KANK1: variants seen among roughly 807,000 people sequenced by gnomAD.
The protein encoded by KANK1 is KN motif and ankyrin repeat domains 1, also known as KN motif and ankyrin repeat domain-containing protein 1.
Under a neutral mutation model 106.2 loss-of-function variants are expected in KANK1, and 109 were observed. That is an observed-to-expected ratio of 1.03 (90% CI 0.88 to 1.20). KANK1 has a LOEUF of 1.20. Ranked by LOEUF, KANK1 falls within the 50% of genes most tolerant of loss-of-function variation. KANK1 has a pLI of 0.00. For missense variants in KANK1, 2,399 were observed against 1,710.7 expected (o/e 1.40, Z -7.10); for synonymous variants, 873 against 652.2 (o/e 1.34, Z -5.16).
intron 1 of KANK1, among the ~76,000 whole-genome samples, chr9:607,120 A>G (rs1434338590): frequency 6.6e-6 from 1 of 151,780 alleles, no homozygotes; most frequent in Non-Finnish European, 1.5e-5. Context: ...ACCTTCCTCA[A>G]TTCCTTTGCA....
At chr9:687,367 T>C (rs982667033) in intron 2 of KANK1, among the ~76,000 whole-genome samples, 4 of 152,170 alleles carry the variant, frequency 2.6e-5, no homozygotes, top group African/African-American at 7.2e-5. Context: ...ACATTTTCAC[T>C]TTCACAAACT....
rs575705928 is a variant in KANK1, at chr9:705,026, C to T, written c.38-5778C>T. Among the ~76,000 whole-genome samples the T allele has an allele frequency of 3.4e-5, 5 of 148,446 alleles. No individual in the cohort carries two copies. In the East Asian group the frequency reaches 9.8e-4, roughly 29 times the overall value. ...AAAAAAAAAAAAAAAAAGAGCAATA[C>T]CCACGTGTTGTAAAAATTATAAAAT... On this transcript the variant is annotated intron_variant, in intron 2 of 11. Coordinates refer to ENST00000382297, the MANE Select transcript of KANK1 (RefSeq NM_015158.5).
At chr9:580,589 C>T (rs375270375) in intron 1 of KANK1, among the ~76,000 whole-genome samples, 1 of 152,212 alleles carries the variant, frequency 6.6e-6, no homozygotes, top group Non-Finnish European at 1.5e-5. Context: ...AGAGCACTGA[C>T]TGGTGCATTT....
chr9:490,511 CTAATAA>C (rs113286547), intron 3 of KANK1, among the ~76,000 whole-genome samples: 2,203 of 151,830 alleles, frequency 0.015, 34 homozygotes, highest in African/African-American at 0.049. Context: ...TTGTCTCAAA[CTAATAA>C]TAATAATAAT....
intron 1 of KANK1, among the ~76,000 whole-genome samples, chr9:659,255 T>C (rs9408652): frequency 0.85 from 128,694 of 152,188 alleles, 54,575 homozygotes; most frequent in East Asian, 0.97. Context: ...TTCTTAAAAT[T>C]AGAGGATATT....
At position 534,533 on chromosome 9, in the gene KANK1, C is replaced by A. The variant is rs192502123; in HGVS notation, c.-84+29779C>A. 3.9e-5 allele frequency among the ~76,000 whole-genome samples: 6 copies of A among 152,304 alleles called. No individual in the cohort carries two copies. The East Asian group carries it at 1.2e-3, about 29-fold the overall frequency. ...GGCAGACATACGTCTTTGAAACATA[C>A]CAGCAGAGAATTATTTAATCATTTG... On this transcript the variant is annotated intron_variant, in intron 1 of 11. Coordinates refer to ENST00000382297, the MANE Select transcript of KANK1 (RefSeq NM_015158.5).
intron 1 of KANK1, among the ~76,000 whole-genome samples, chr9:567,800 C>T (rs182068228): frequency 6.6e-6 from 1 of 152,154 alleles, no homozygotes; most frequent in African/African-American, 2.4e-5. Context: ...GATGCCCGAG[C>T]TTATCAGAAT....
At chr9:615,458 C>G (rs1396483118) in intron 1 of KANK1, among the ~76,000 whole-genome samples, 3 of 152,080 alleles carry the variant, frequency 2.0e-5, no homozygotes, top group African/African-American at 4.8e-5. Context: ...TGAGTACCCA[C>G]ATTTTAAAAT....
intron 1 of KANK1, among the ~76,000 whole-genome samples, chr9:635,688 TTTA>T (rs933024728): frequency 7.0e-6 from 1 of 142,700 alleles, no homozygotes; most frequent in African/African-American, 2.6e-5. Context: ...CACATTCCTT[TTTA>T]TTCTTTTTTT....
At chr9:661,188 G>T (rs80293934) in intron 1 of KANK1, among the ~76,000 whole-genome samples, 1 of 151,576 alleles carries the variant, frequency 6.6e-6, no homozygotes, top group Non-Finnish European at 1.5e-5. Flanking sequence ...GGCTTGTTAC[G>T]TATGCATACA....
At chr9:548,746 T>C (rs2061089488) in intron 1 of KANK1, among the ~76,000 whole-genome samples, 1 of 152,146 alleles carries the variant, frequency 6.6e-6, no homozygotes, top group South Asian at 2.1e-4. Flanking sequence ...ATCAAGATTT[T>C]TAAAGTTTTA....
chr9:687,865 C>A lies in KANK1; in HGVS notation c.37+10856C>A, dbSNP rs1386536435. On this transcript the variant is annotated intron_variant, in intron 2 of 11. Transcript: ENST00000382297. Reference sequence around the variant, plus strand: ...AGTTACGGTTGTGTGCGTCACTAATCTTATAAACTTGAGTGTTTTAAGAGG... The same window carrying A: ...AGTTACGGTTGTGTGCGTCACTAATATTATAAACTTGAGTGTTTTAAGAGG... Among the ~76,000 whole-genome samples the A allele has an allele frequency of 2.0e-5, 3 of 152,312 alleles. No individual in the cohort carries two copies. The East Asian group carries it at 5.8e-4, about 29-fold the overall frequency.
intron 1 of KANK1, among the ~76,000 whole-genome samples, chr9:634,664 C>T (rs1256054188): frequency 1.3e-5 from 2 of 152,200 alleles, no homozygotes; most frequent in Admixed American, 1.3e-4. Context: ...GGACTGTTAT[C>T]ATCCTTGTTT....
chr9:580,945 T>C (rs575624471), intron 1 of KANK1, among the ~76,000 whole-genome samples: 1 of 152,110 alleles, frequency 6.6e-6, no homozygotes, highest in East Asian at 1.9e-4. Flanking sequence ...CTGGTGAGAA[T>C]TGGAGCGCAG....
At chr9:490,676 C>T (rs1218239199) in intron 3 of KANK1, among the ~76,000 whole-genome samples, 2 of 152,102 alleles carry the variant, frequency 1.3e-5, no homozygotes, top group Non-Finnish European at 1.5e-5. Context: ...TTCAACTGAG[C>T]AACTCTGATA....
At chr9:477,791 G>A (rs907827126) in intron 3 of KANK1, 5 of 152,256 alleles carry the variant, frequency 3.3e-5, no homozygotes, top group Admixed American at 3.3e-4. Flanking sequence ...CTCTTGGCTT[G>A]GAGGAAGCCA....
chr9:629,252 G>A (rs79414785), intron 1 of KANK1, among the ~76,000 whole-genome samples: 1 of 152,034 alleles, frequency 6.6e-6, no homozygotes, highest in Non-Finnish European at 1.5e-5. Context: ...AGCACCAGGG[G>A]AGTAAGCCAT....
In KANK1 at chr9:550,444, G is replaced by C. The variant is rs7852516; in HGVS notation, c.-84+45690G>C. ...GAGCTAAACAGCAAGAACAGATAAGGTATCTTATCAAAACACCACGCCAGG... is the reference window on the plus strand; with the variant it reads ...GAGCTAAACAGCAAGAACAGATAAGCTATCTTATCAAAACACCACGCCAGG... On this transcript the variant is annotated intron_variant, in intron 1 of 11. Transcript: ENST00000382297. Among the ~76,000 whole-genome samples the C allele has an allele frequency of 4.0e-3, 607 of 152,246 alleles. 11 individuals are homozygous for C. The highest frequency in any genetic ancestry group is 0.014 in the African/African-American group (596 of 41,528).
At chr9:474,948 C>T (rs773198855) in intron 3 of KANK1, among the ~76,000 whole-genome samples, 1 of 152,156 alleles carries the variant, frequency 6.6e-6, no homozygotes, top group Non-Finnish European at 1.5e-5. Flanking sequence ...CAGACATGTG[C>T]AGTGCAGGAG....
Sources: allele counts gnomAD v4.1 joint callset (sites outside exome capture counted in the v4.1 genomes callset), GRCh38; gene constraint gnomAD v4.1.1; transcripts MANE v1.5; gene names NCBI Gene and HGNC (gene_info 2026-07-23, HGNC 2026-07-21).